TRAPPC9: variants seen among roughly 807,000 people sequenced by gnomAD.
TRAPPC9 encodes the protein trafficking protein particle complex subunit 9.
Under a neutral mutation model 124.0 loss-of-function variants are expected in TRAPPC9, and 83 were observed. The observed-to-expected ratio is 0.67, with a 90% CI of 0.56 to 0.80. The LOEUF (loss-of-function observed/expected upper bound fraction) is 0.80, where lower values mean the gene tolerates loss of function less well. TRAPPC9 is among the 30% of genes least tolerant of loss of function. The pLI, the probability that TRAPPC9 is intolerant of heterozygous loss-of-function variation, is 0.00. For synonymous variants in TRAPPC9, 638 were observed against 617.5 expected (o/e 1.03, Z -0.49); for missense variants, 1,302 against 1,508.3 (o/e 0.86, Z 2.27).
chr8:139,789,151 G>C (rs555733344), intron 21 of TRAPPC9, among the ~76,000 whole-genome samples: 21 of 152,316 alleles, frequency 1.4e-4, no homozygotes, highest in South Asian at 4.1e-4. Flanking sequence ...CTTTGGCACT[G>C]GCTCACACTC....
intron 17 of TRAPPC9, chr8:140,100,186 A>G (rs2060550150): frequency 7.7e-6 from 1 of 130,052 alleles, no homozygotes; most frequent in Non-Finnish European, 1.6e-5. Context: ...GGAACTGCGG[A>G]AAGAGTGCCA....
chr8:140,387,130 CTG>C (rs1247877254), intron 7 of TRAPPC9, among the ~76,000 whole-genome samples: 1 of 152,200 alleles, frequency 6.6e-6, no homozygotes, highest in Non-Finnish European at 1.5e-5. Context: ...AAAGCTGAAA[CTG>C]GATCCTTTCC....
chr8:139,921,880 A>T (rs1832527080), intron 19 of TRAPPC9, among the ~76,000 whole-genome samples: 1 of 147,736 alleles, frequency 6.8e-6, no homozygotes, highest in Non-Finnish European at 1.5e-5. Context: ...GGGAGTGCAC[A>T]CCTGCCCCCC....
intron 21 of TRAPPC9, among the ~76,000 whole-genome samples, chr8:139,745,780 G>A (rs1371654422): frequency 1.3e-5 from 2 of 152,236 alleles, no homozygotes; most frequent in Non-Finnish European, 2.9e-5. Context: ...TGGGCTCGCC[G>A]CCTTGCTACT....
intron 19 of TRAPPC9, among the ~76,000 whole-genome samples, chr8:139,925,747 TAAAA>T (rs745528003): frequency 8.0e-6 from 1 of 124,952 alleles, no homozygotes; most frequent in Non-Finnish European, 1.7e-5. Flanking sequence ...GACTCCATCT[TAAAA>T]AAAAAAAAAA....
At chr8:139,743,513 C>T (rs1405763557) in intron 21 of TRAPPC9, among the ~76,000 whole-genome samples, 1 of 152,206 alleles carries the variant, frequency 6.6e-6, no homozygotes, top group East Asian at 1.9e-4. Flanking sequence ...TTTTAAATTT[C>T]AGAAGACACA....
chr8:140,388,670 A>G (rs1352901695), intron 7 of TRAPPC9, among the ~76,000 whole-genome samples: 1 of 151,424 alleles, frequency 6.6e-6, no homozygotes, highest in Non-Finnish European at 1.5e-5. Context: ...TGACAGAGCA[A>G]GACTCCATCT....
intron 19 of TRAPPC9, among the ~76,000 whole-genome samples, chr8:139,937,803 T>G (rs986162210): frequency 2.0e-5 from 3 of 152,138 alleles, no homozygotes; most frequent in African/African-American, 7.2e-5. Flanking sequence ...GCGTTAAACA[T>G]GGGTAATGAA....
intron 17 of TRAPPC9, among the ~76,000 whole-genome samples, chr8:140,215,523 G>C (rs1295423113): frequency 6.6e-6 from 1 of 151,970 alleles, no homozygotes; most frequent in East Asian, 1.9e-4. Context: ...GCGGACACCT[G>C]TAGTCCCAGC....
intron 4 of TRAPPC9, 48 bp from the exon 5 acceptor site, chr8:140,426,689 C>T (rs1170263556): frequency 1.3e-6 from 2 of 1,569,214 alleles, no homozygotes; most frequent in South Asian, 1.1e-5. Flanking sequence ...AACAAAACTA[C>T]TTTTAAAAAT....
At chr8:140,115,173 T>A (rs2060855035) in intron 17 of TRAPPC9, among the ~76,000 whole-genome samples, 1 of 152,210 alleles carries the variant, frequency 6.6e-6, no homozygotes, top group Non-Finnish European at 1.5e-5. Context: ...AGTATTTGCA[T>A]GTCTACTTAC....
At chr8:140,434,592 C>T (rs1467090541) in intron 4 of TRAPPC9, among the ~76,000 whole-genome samples, 3 of 152,178 alleles carry the variant, frequency 2.0e-5, no homozygotes, top group Non-Finnish European at 1.5e-5. Flanking sequence ...CACAAGTATT[C>T]CAGAAATCAA....
At chr8:140,179,296 T>C (rs1356818131) in intron 17 of TRAPPC9, among the ~76,000 whole-genome samples, 1 of 152,110 alleles carries the variant, frequency 6.6e-6, no homozygotes, top group Non-Finnish European at 1.5e-5. Context: ...CAATTCACAA[T>C]GTTTTCAAAT....
intron 18 of TRAPPC9, among the ~76,000 whole-genome samples, chr8:140,013,398 T>A (rs886545585): frequency 1.3e-5 from 2 of 152,218 alleles, no homozygotes; most frequent in African/African-American, 4.8e-5. Context: ...AATCCCACTG[T>A]AGGTCCTCCG....
intron 17 of TRAPPC9, among the ~76,000 whole-genome samples, chr8:140,049,296 T>A (rs903683707): frequency 1.3e-5 from 2 of 151,224 alleles, no homozygotes; most frequent in African/African-American, 4.9e-5. Context: ...GCAAGGAGAG[T>A]CATGCCATCT....
chr8:140,392,959 T>G (rs2068971109), intron 7 of TRAPPC9, among the ~76,000 whole-genome samples: 1 of 152,204 alleles, frequency 6.6e-6, no homozygotes, highest in Non-Finnish European at 1.5e-5. Flanking sequence ...GCTTAGCACT[T>G]TATATGCATT....
intron 18 of TRAPPC9, among the ~76,000 whole-genome samples, chr8:140,022,339 G>A (rs376801839): frequency 2.0e-5 from 3 of 152,292 alleles, no homozygotes; most frequent in African/African-American, 7.2e-5. Context: ...AATCCCAAGA[G>A]CAGGGAAAAG....
intron 17 of TRAPPC9, among the ~76,000 whole-genome samples, chr8:140,197,715 T>C (rs1460197858): frequency 5.3e-5 from 8 of 152,172 alleles, no homozygotes; most frequent in Admixed American, 2.6e-4. Context: ...AAAACAGCCA[T>C]ATCTCTTCAA....
At chr8:139,754,057 C>A (rs1586767462) in intron 21 of TRAPPC9, among the ~76,000 whole-genome samples, 1 of 152,210 alleles carries the variant, frequency 6.6e-6, no homozygotes, top group East Asian at 1.9e-4. Flanking sequence ...AAAAGAGAGA[C>A]CATCCAGTGT....
Sources: allele counts gnomAD v4.1 joint callset (sites outside exome capture counted in the v4.1 genomes callset), GRCh38; gene constraint gnomAD v4.1.1; transcripts MANE v1.5; gene names NCBI Gene and HGNC (gene_info 2026-07-23, HGNC 2026-07-21).